Variants in CYREN observed in about 807,000 individuals in gnomAD.
CYREN encodes the protein cell cycle regulator of non-homologous end joining.
A neutral mutation model predicts 9.7 loss-of-function variants in CYREN; 7 were observed. The ratio of observed to expected loss-of-function variants is 0.72; its 90% confidence interval spans 0.41 to 1.36. The LOEUF is 1.36. CYREN is among the 40% of genes most tolerant of loss of function. The pLI, the probability that CYREN is intolerant of heterozygous loss-of-function variation, is 0.01. For missense variants in CYREN, 215 were observed against 198.1 expected (o/e 1.09, Z -0.51); for synonymous variants, 76 against 77.9 (o/e 0.98, Z 0.13).
At chr7:135,094,880 T>C (rs1157235685) in intron 2 of CYREN, among the ~76,000 whole-genome samples, 1 of 152,168 alleles carries the variant, frequency 6.6e-6, no homozygotes, top group Non-Finnish European at 1.5e-5. Context: ...GAATGGTGCA[T>C]TTGCAACAGC....
At chr7:135,095,904 C>T (rs1314130876) in intron 2 of CYREN, among the ~76,000 whole-genome samples, 1 of 152,184 alleles carries the variant, frequency 6.6e-6, no homozygotes, top group African/African-American at 2.4e-5. Flanking sequence ...GTAATCCCAG[C>T]ACTTTGGGAG....
At chr7:135,101,337 T>C (rs895417546) in intron 2 of CYREN, 1 of 445,686 alleles carries the variant, frequency 2.2e-6, no homozygotes, top group Non-Finnish European at 4.5e-6. Flanking sequence ...TTTCACTATA[T>C]CATCATTAAC....
At chr7:135,129,615 G>C (rs1828445264) in intron 2 of CYREN, 2 of 775,566 alleles carry the variant, frequency 2.6e-6, no homozygotes, top group African/African-American at 3.4e-5. Context: ...CACTGATCCT[G>C]CTTCAACATG....
chr7:135,111,835 C>A (rs1825684654), intron 2 of CYREN, among the ~76,000 whole-genome samples: 2 of 152,232 alleles, frequency 1.3e-5, no homozygotes, highest in South Asian at 4.1e-4. Flanking sequence ...TCTCTACCTG[C>A]AGCTTCAACC....
intron 2 of CYREN, 175 bp from the exon 3 acceptor site, chr7:135,167,982 A>T: frequency 8.9e-7 from 1 of 1,126,852 alleles, no homozygotes; most frequent in Non-Finnish European, 1.2e-6. Context: ...CTTGCAGCCC[A>T]GTGACTGGCA....
At chr7:135,167,318 C>T in intron 3 of CYREN, 1 of 1,072,344 alleles carries the variant, frequency 9.3e-7, no homozygotes, top group Non-Finnish European at 1.1e-6. Context: ...CTCTGAGGCA[C>T]TGCAATTATT....
intron 2 of CYREN, among the ~76,000 whole-genome samples, chr7:135,117,879 T>C (rs1178408400): frequency 6.6e-6 from 1 of 152,212 alleles, no homozygotes; most frequent in Non-Finnish European, 1.5e-5. Flanking sequence ...CCCACTGGCA[T>C]GGTTGCCAAT....
chr7:135,094,368 G>T, exon 3 of CYREN: 1 of 456,684 alleles, frequency 2.2e-6, no homozygotes, highest in South Asian at 1.5e-5. Context: ...TCACTGCTGA[G>T]ATCTGCTTGT....
chr7:135,103,800 T>A (rs2117054315), intron 2 of CYREN, among the ~76,000 whole-genome samples: 1 of 152,276 alleles, frequency 6.6e-6, no homozygotes, highest in Middle Eastern at 3.4e-3. Context: ...ACATTTCAGC[T>A]CTTGCAACCT....
chr7:135,100,358 C>G (rs1255249781), intron 2 of CYREN, among the ~76,000 whole-genome samples: 1 of 152,138 alleles, frequency 6.6e-6, no homozygotes, highest in African/African-American at 2.4e-5. Flanking sequence ...TCAAATATAA[C>G]AGACAAACTT....
rs1371936227 is a variant in CYREN at position 135,136,394 on chromosome 7, G to GA, written n.356+32354dup. 2.0e-5 allele frequency among the ~76,000 whole-genome samples: 3 copies of GA among 152,090 alleles called. No homozygotes were observed. In the East Asian group the frequency reaches 5.8e-4, roughly 29 times the overall value. Reference sequence around the variant, plus strand: ...GGACCATGACCATAGATTTCCTCAGGAATCTTTAATGTCTGGTGGGAAATA... The same window carrying GA: ...GGACCATGACCATAGATTTCCTCAGGAAATCTTTAATGTCTGGTGGGAAATA... On this transcript the variant is annotated intron_variant and non_coding_transcript_variant, in intron 2 of 2. Coordinates refer to the CYREN transcript ENST00000459937.
chr7:135,138,573 A>G (rs1455065607), intron 2 of CYREN, among the ~76,000 whole-genome samples: 3 of 152,088 alleles, frequency 2.0e-5, no homozygotes, highest in Non-Finnish European at 4.4e-5. Flanking sequence ...CAAATCATAC[A>G]AAATATTCAA....
At chr7:135,115,865 G>A in intron 2 of CYREN, 1 of 364,682 alleles carries the variant, frequency 2.7e-6, no homozygotes, top group Non-Finnish European at 5.0e-6. Context: ...AATAAAGTAG[G>A]CATAAATAAA....
At chr7:135,150,288 A>C (rs981894885) in intron 2 of CYREN, among the ~76,000 whole-genome samples, 3 of 152,206 alleles carry the variant, frequency 2.0e-5, no homozygotes, top group Non-Finnish European at 2.9e-5. Flanking sequence ...CCCTGACCCT[A>C]TAATCTAGTC....
chr7:135,094,007 C>G, exon 3 of CYREN: 1 of 170,066 alleles, frequency 5.9e-6, no homozygotes, highest in South Asian at 1.4e-4. Flanking sequence ...AAAAAATAGT[C>G]TTTTCAGCAA....
Position 135,112,768 on chromosome 7 carries a change from C to G in CYREN, n.357-18186G>C, listed in dbSNP as rs73153775. On this transcript the variant is annotated intron_variant and non_coding_transcript_variant, in intron 2 of 2. Transcript: ENST00000459937. ...GTGCCAGATACATAATAAGCATTCA[C>G]TGAATGTTTATTTTTATTTTTTTGA... Among the ~76,000 whole-genome samples, 617 of 152,200 alleles carry G rather than the reference C, an allele frequency of 4.1e-3. 2 individuals are homozygous for G. The highest frequency in any genetic ancestry group is 7.5e-3 in the Non-Finnish European group (511 of 68,002).
intron 2 of CYREN, among the ~76,000 whole-genome samples, chr7:135,143,526 A>G (rs1421006034): frequency 6.6e-6 from 1 of 152,236 alleles, no homozygotes; most frequent in Non-Finnish European, 1.5e-5. Flanking sequence ...TCTGGAAGAT[A>G]ACACAGGAAA....
intron 2 of CYREN, chr7:135,129,511 A>G (rs1224124613): frequency 2.6e-6 from 2 of 772,842 alleles, no homozygotes; most frequent in Non-Finnish European, 2.4e-6. Context: ...GAGAAATTAG[A>G]TGGATATAAC....
chr7:135,112,496 C>T (rs1825784664), intron 2 of CYREN, among the ~76,000 whole-genome samples: 1 of 152,154 alleles, frequency 6.6e-6, no homozygotes. Context: ...CTGAATGTGC[C>T]ATGTTAGTCC....
Sources: allele counts gnomAD v4.1 joint callset (sites outside exome capture counted in the v4.1 genomes callset), GRCh38; gene constraint gnomAD v4.1.1; transcripts MANE v1.5; gene names NCBI Gene and HGNC (gene_info 2026-07-23, HGNC 2026-07-21).